The following UNC5C variants were observed in gnomAD, a reference collection of about 807,000 sequenced individuals.
The protein encoded by UNC5C is unc-5 netrin receptor C.
Under a neutral mutation model 99.8 loss-of-function variants are expected in UNC5C, and 47 were observed. That is an observed-to-expected ratio of 0.47 (90% CI 0.37 to 0.60). The LOEUF (loss-of-function observed/expected upper bound fraction) is 0.60, where lower values mean the gene tolerates loss of function less well. Among genes scored for constraint, UNC5C ranks in the 20% least tolerant of loss-of-function variants. UNC5C has a pLI of 0.00. For synonymous variants in UNC5C, 487 were observed against 452.2 expected (o/e 1.08, Z -0.98); for missense variants, 1,062 against 1,165.9 (o/e 0.91, Z 1.30).
chr4:95,338,107 G>T (rs1417717601), intron 1 of UNC5C, among the ~76,000 whole-genome samples: 1 of 151,936 alleles, frequency 6.6e-6, no homozygotes, highest in East Asian at 1.9e-4. Context: ...ATGCAAATAA[G>T]CTGATTATCA....
intron 2 of UNC5C, among the ~76,000 whole-genome samples, chr4:95,325,633 G>T (rs1742854985): frequency 1.3e-5 from 2 of 152,102 alleles, no homozygotes; most frequent in African/African-American, 2.4e-5. Context: ...CTAAGTCTAG[G>T]TTTTGATTAG....
intron 1 of UNC5C, among the ~76,000 whole-genome samples, chr4:95,391,029 G>C (rs545758990): frequency 1.3e-5 from 2 of 152,270 alleles, no homozygotes; most frequent in East Asian, 3.9e-4. Flanking sequence ...TTTTAGGATA[G>C]TGAATAAGTC....
At chr4:95,495,281 CT>C (rs1721600587) in intron 1 of UNC5C, among the ~76,000 whole-genome samples, 1 of 151,466 alleles carries the variant, frequency 6.6e-6, no homozygotes, top group Non-Finnish European at 1.5e-5. Context: ...CCTTTTATCA[CT>C]TGTAACTCTG....
chr4:95,192,083 G>T (rs1264526326), intron 12 of UNC5C, among the ~76,000 whole-genome samples: 1 of 95,738 alleles, frequency 1.0e-5, no homozygotes, highest in Non-Finnish European at 2.0e-5. Context: ...CTCCTCCTTT[G>T]CTCACCTTCC....
intron 1 of UNC5C, among the ~76,000 whole-genome samples, chr4:95,394,636 A>G (rs1386542974): frequency 7.3e-6 from 1 of 136,374 alleles, no homozygotes; most frequent in Non-Finnish European, 1.5e-5. Flanking sequence ...GGCATCTGCT[A>G]TGAAAAGGTA....
rs1415825026 is a variant in UNC5C at position 95,164,382 on chromosome 4, A to G, written c.*4852T>C. The G allele has an allele frequency of 6.6e-6, 1 of 152,214 alleles. No homozygotes were observed. The highest frequency in any genetic ancestry group is 1.5e-5 in the Non-Finnish European group (1 of 68,046). The allele number at this position is 152,214 out of a possible 1,614,324, so 9.4% of individuals were successfully genotyped here. On this transcript the variant is annotated 3_prime_UTR_variant, in exon 16 of 16. Coordinates refer to ENST00000453304, the MANE Select transcript of UNC5C (RefSeq NM_003728.4). ...GATGCAAAGGAAATCTTCCAAAGTG[A>G]TCATTACAGCCAGAGATTATACAAA... is the stretch of plus-strand genomic sequence containing the variant.
chr4:95,264,908 T>C (rs1389898287), intron 4 of UNC5C, among the ~76,000 whole-genome samples: 1 of 152,220 alleles, frequency 6.6e-6, no homozygotes, highest in East Asian at 1.9e-4. Flanking sequence ...GGTCCTTTTA[T>C]AACATCCAGC....
intron 1 of UNC5C, among the ~76,000 whole-genome samples, chr4:95,545,013 C>A (rs1209738591): frequency 6.6e-6 from 1 of 152,218 alleles, no homozygotes; most frequent in African/African-American, 2.4e-5. Flanking sequence ...CATTAGAGAA[C>A]AGTTATGTTT....
chr4:95,185,422 T>C (rs1374778194), intron 12 of UNC5C, among the ~76,000 whole-genome samples: 1 of 152,188 alleles, frequency 6.6e-6, no homozygotes, highest in Non-Finnish European at 1.5e-5. Context: ...TTTGGCAGTC[T>C]ACATCACACT....
chr4:95,281,133 G>A (rs1402041484), intron 3 of UNC5C, among the ~76,000 whole-genome samples: 1 of 152,146 alleles, frequency 6.6e-6, no homozygotes, highest in East Asian at 1.9e-4. Context: ...GTTGGGCAAA[G>A]ACATAATAAC....
At chr4:95,463,176 T>A (rs1350097389) in intron 1 of UNC5C, among the ~76,000 whole-genome samples, 1 of 152,072 alleles carries the variant, frequency 6.6e-6, no homozygotes, top group South Asian at 2.1e-4. Flanking sequence ...TGGCCAGTGA[T>A]TGGAGTGTCA....
chr4:95,536,815 C>T (rs995713101), intron 1 of UNC5C, among the ~76,000 whole-genome samples: 3 of 152,090 alleles, frequency 2.0e-5, no homozygotes, highest in South Asian at 2.1e-4. Context: ...ATGCTAAAGA[C>T]GAGATTATTC....
At chr4:95,394,818 T>C (rs1745465488) in intron 1 of UNC5C, among the ~76,000 whole-genome samples, 1 of 139,700 alleles carries the variant, frequency 7.2e-6, no homozygotes, top group South Asian at 2.3e-4. Context: ...ATGAAAAAAA[T>C]GGAATAAGAA....
At chr4:95,480,356 T>C (rs1350061240) in intron 1 of UNC5C, among the ~76,000 whole-genome samples, 1 of 151,948 alleles carries the variant, frequency 6.6e-6, no homozygotes, top group Non-Finnish European at 1.5e-5. Context: ...CTTTAGTTTA[T>C]GACTTCTGCA....
At chr4:95,350,377 C>T (rs2149428928) in intron 1 of UNC5C, among the ~76,000 whole-genome samples, 1 of 152,122 alleles carries the variant, frequency 6.6e-6, no homozygotes, top group Middle Eastern at 3.4e-3. Flanking sequence ...GTCTCAGCTA[C>T]TCAGGAGGCT....
chr4:95,360,544 T>G (rs1156726138), intron 1 of UNC5C, among the ~76,000 whole-genome samples: 1 of 152,192 alleles, frequency 6.6e-6, no homozygotes, highest in Non-Finnish European at 1.5e-5. Flanking sequence ...GCAATACAAC[T>G]GTAATGTTTA....
At chr4:95,445,167 A>AAT (rs1337372963) in intron 1 of UNC5C, among the ~76,000 whole-genome samples, 1 of 152,152 alleles carries the variant, frequency 6.6e-6, no homozygotes, top group Non-Finnish European at 1.5e-5. Flanking sequence ...TCATATAACA[A>AAT]ATATATATCA....
intron 4 of UNC5C, among the ~76,000 whole-genome samples, chr4:95,271,257 T>G (rs1347136738): frequency 6.6e-6 from 1 of 151,528 alleles, no homozygotes; most frequent in African/African-American, 2.4e-5. Context: ...AGACGGAGTC[T>G]CGCTCTGTCG....
At chr4:95,193,301 A>G (rs1737232028) in intron 12 of UNC5C, among the ~76,000 whole-genome samples, 1 of 152,214 alleles carries the variant, frequency 6.6e-6, no homozygotes, top group Non-Finnish European at 1.5e-5. Flanking sequence ...GAAGCGAAGC[A>G]GTGGCCAGCC....
Sources: allele counts gnomAD v4.1 joint callset (sites outside exome capture counted in the v4.1 genomes callset), GRCh38; gene constraint gnomAD v4.1.1; transcripts MANE v1.5; gene names NCBI Gene and HGNC (gene_info 2026-07-23, HGNC 2026-07-21).